The following USP12 variants were observed in gnomAD, a reference collection of about 807,000 sequenced individuals.
USP12 encodes ubiquitin specific peptidase 12, also known as ubiquitin carboxyl-terminal hydrolase 12.
Under a neutral mutation model 45.5 loss-of-function variants are expected in USP12, and 19 were observed. The observed-to-expected ratio is 0.42, with a 90% CI of 0.29 to 0.61. The LOEUF is 0.61. USP12 is among the 20% of genes least tolerant of loss of function. USP12 has a pLI of 0.22. For missense variants in USP12, 242 were observed against 447.7 expected (o/e 0.54, Z 4.15); for synonymous variants, 149 against 148.8 (o/e 1.00, Z -0.01).
At chr13:27,074,906 C>T (rs574375757) in intron 7 of USP12, among the ~76,000 whole-genome samples, 1 of 151,848 alleles carries the variant, frequency 6.6e-6, no homozygotes, top group Admixed American at 6.6e-5. Flanking sequence ...TATACACACA[C>T]CCCAAAAAAG....
chr13:27,152,426 A>G (rs1442440315), intron 1 of USP12, among the ~76,000 whole-genome samples: 1 of 152,190 alleles, frequency 6.6e-6, no homozygotes, highest in South Asian at 2.1e-4. Flanking sequence ...GCAGATAATT[A>G]TATAAACACA....
At chr13:27,125,221 A>G (rs1876171185) in intron 1 of USP12, among the ~76,000 whole-genome samples, 2 of 152,226 alleles carry the variant, frequency 1.3e-5, no homozygotes, top group Non-Finnish European at 2.9e-5. Flanking sequence ...CTAAGTTGAA[A>G]TTTTTTAAAT....
chr13:27,170,946 C>T (rs529285961), intron 1 of USP12, among the ~76,000 whole-genome samples: 42 of 152,376 alleles, frequency 2.8e-4, no homozygotes, highest in African/African-American at 9.9e-4. Context: ...TCCACCTTCA[C>T]ACACGCCCCT....
chr13:27,111,432 G>A (rs1875441042), intron 2 of USP12, among the ~76,000 whole-genome samples: 2 of 152,128 alleles, frequency 1.3e-5, no homozygotes, highest in African/African-American at 4.8e-5. Flanking sequence ...AATCTATGCT[G>A]TGTTATCTCA....
At chr13:27,144,463 T>C (rs2074268617) in intron 1 of USP12, among the ~76,000 whole-genome samples, 1 of 137,920 alleles carries the variant, frequency 7.3e-6, no homozygotes, top group African/African-American at 2.8e-5. Flanking sequence ...ATCATACCAC[T>C]GCACTCTAAC....
intron 1 of USP12, among the ~76,000 whole-genome samples, chr13:27,138,814 A>G (rs1876926842): frequency 6.6e-6 from 1 of 152,196 alleles, no homozygotes; most frequent in African/African-American, 2.4e-5. Context: ...GTTTAAAGAA[A>G]TGTTAATTCT....
intron 1 of USP12, among the ~76,000 whole-genome samples, chr13:27,159,381 A>T (rs1749657216): frequency 6.6e-6 from 1 of 152,222 alleles, no homozygotes; most frequent in African/African-American, 2.4e-5. Context: ...GTTCCTAAAA[A>T]TGTCAGGAAG....
At chr13:27,132,315 A>G (rs994612766) in intron 1 of USP12, among the ~76,000 whole-genome samples, 1 of 152,248 alleles carries the variant, frequency 6.6e-6, no homozygotes, top group Admixed American at 6.5e-5. Context: ...GAGAGGGGCC[A>G]GTAGAAATGT....
intron 1 of USP12, among the ~76,000 whole-genome samples, chr13:27,164,412 A>G (rs1209907553): frequency 6.6e-6 from 1 of 152,230 alleles, no homozygotes; most frequent in African/African-American, 2.4e-5. Context: ...TAGACATAAC[A>G]TACTGTTTAG....
At chr13:27,097,390 G>A (rs1227163203) in intron 3 of USP12, among the ~76,000 whole-genome samples, 3 of 152,144 alleles carry the variant, frequency 2.0e-5, no homozygotes, top group African/African-American at 4.8e-5. Context: ...GCTTGAACCC[G>A]GGAGGTAGAG....
At chr13:27,081,433 G>A (rs1003367376) in intron 6 of USP12, among the ~76,000 whole-genome samples, 18 of 152,090 alleles carry the variant, frequency 1.2e-4, no homozygotes, top group African/African-American at 3.4e-4. Context: ...CAGTCAGATC[G>A]TCAGGATCCT....
chr13:27,072,100 A>G (rs1402713956), intron 7 of USP12, among the ~76,000 whole-genome samples: 1 of 147,704 alleles, frequency 6.8e-6, no homozygotes, highest in Non-Finnish European at 1.5e-5. Flanking sequence ...ACCAACAAAA[A>G]TACTTTTTTT....
chr13:27,142,195 T>C (rs1355347139), intron 1 of USP12, among the ~76,000 whole-genome samples: 1 of 152,078 alleles, frequency 6.6e-6, no homozygotes, highest in African/African-American at 2.4e-5. Flanking sequence ...CCAGTAGAAA[T>C]GGTCTGCTAA....
intron 4 of USP12, among the ~76,000 whole-genome samples, chr13:27,093,008 C>T (rs1313081562): frequency 6.6e-6 from 1 of 152,026 alleles, no homozygotes; most frequent in Non-Finnish European, 1.5e-5. Context: ...ACCAGCCTGA[C>T]CAACATGGAG....
At chr13:27,165,944 A>T (rs912462367) in intron 1 of USP12, among the ~76,000 whole-genome samples, 4 of 152,102 alleles carry the variant, frequency 2.6e-5, no homozygotes, top group East Asian at 3.8e-4. Flanking sequence ...ATAATTTTTT[A>T]AAAAAGAGCT....
chr13:27,151,960 C>A (rs1421005751), intron 1 of USP12, among the ~76,000 whole-genome samples: 3 of 152,122 alleles, frequency 2.0e-5, no homozygotes, highest in African/African-American at 4.8e-5. Flanking sequence ...TGAGATACCA[C>A]CTCACACCCA....
intron 4 of USP12, among the ~76,000 whole-genome samples, chr13:27,094,833 C>G (rs1421214790): frequency 6.6e-6 from 1 of 151,848 alleles, no homozygotes; most frequent in East Asian, 1.9e-4. Flanking sequence ...GGATTCTGTA[C>G]TGAATAGGGA....
chr13:27,133,979 T>A (rs1192248621), intron 1 of USP12, among the ~76,000 whole-genome samples: 1 of 151,944 alleles, frequency 6.6e-6, no homozygotes, highest in African/African-American at 2.4e-5. Context: ...ATAAATAAAA[T>A]AAAAACATCA....
intron 1 of USP12, among the ~76,000 whole-genome samples, chr13:27,153,046 T>C (rs1247310412): frequency 6.6e-6 from 1 of 152,090 alleles, no homozygotes; most frequent in Non-Finnish European, 1.5e-5. Context: ...AAGCTTAGTG[T>C]CCTGGCCGGG....
Sources: gnomAD v4.1 joint callset for allele counts (sites outside exome capture counted in the v4.1 genomes callset) on GRCh38, gnomAD v4.1.1 for gene constraint, MANE v1.5 for transcripts, NCBI Gene and HGNC (gene_info 2026-07-23, HGNC 2026-07-21) for gene names.